Variants in MEF2D observed in about 807,000 individuals in gnomAD.
MEF2D encodes the protein myocyte-specific enhancer factor 2D.
Under a neutral mutation model 59.3 loss-of-function variants are expected in MEF2D, and 10 were observed. The observed-to-expected ratio is 0.17, with a 90% confidence interval of 0.10 to 0.29. The LOEUF is 0.29. Among genes scored for constraint, MEF2D ranks in the 10% least tolerant of loss-of-function variants. The probability of loss-of-function intolerance (pLI) is 1.00; values close to 1 mark genes in which losing one functional copy is unlikely to be tolerated. For synonymous variants in MEF2D, 305 were observed against 295.0 expected (o/e 1.03, Z -0.35); for missense variants, 508 against 699.4 (o/e 0.73, Z 3.09).
chr1:156,495,944 C>T (rs537435976), intron 1 of MEF2D, among the ~76,000 whole-genome samples: 2 of 152,110 alleles, frequency 1.3e-5, no homozygotes, highest in African/African-American at 4.8e-5. Context: ...TGGCCAGCGA[C>T]AGGCCAGAGC....
rs1324313193 is a variant in MEF2D at position 156,468,271 on chromosome 1, C to A, written c.1276G>T (p.Ala426Ser). ...GGGTGGGTGGTGACTGTGAGGGCAG[C>A]ACCCACGTGGGGCAGGGGGCTGCCC... ...IPGSPLPHVGAALTVTTHPHI... is the reference protein window; with the variant it reads ...IPGSPLPHVGSALTVTTHPHI... Residue 426 changes from alanine to serine, a missense_variant, in exon 11 of 12, where the codon GCT becomes TCT. Physicochemically the swap from Ala to Ser is moderately conservative, Grantham distance 99. This residue lies in a region of MEF2D where 481 missense variants were observed against 584.7 expected (regional missense o/e 0.82). Coordinates refer to ENST00000348159, the MANE Select transcript of MEF2D (RefSeq NM_005920.4). The surrounding 1 kb of genome is among the most constrained non-coding windows in gnomAD (Gnocchi z 4.3). 1.3e-6 allele frequency: 2 copies of A among 1,572,344 alleles called. No individual in the cohort carries two copies. The highest frequency in any genetic ancestry group is 2.3e-5 in the East Asian group (1 of 44,438).
intron 6 of MEF2D, among the ~76,000 whole-genome samples, chr1:156,478,100 T>A (rs910716548): frequency 3.9e-5 from 6 of 152,204 alleles, no homozygotes; most frequent in Non-Finnish European, 8.8e-5. Context: ...CTCTCCCACT[T>A]TCCACATGCT....
chr1:156,480,347 C>T (rs1032684046), intron 4 of MEF2D, among the ~76,000 whole-genome samples: 1 of 152,098 alleles, frequency 6.6e-6, no homozygotes, highest in Admixed American at 6.5e-5. Context: ...GCCTCTCCCC[C>T]CAAAAAAACA....
chr1:156,490,010 AGCCGGTGAT>A (rs950459517), intron 1 of MEF2D, among the ~76,000 whole-genome samples: 2 of 152,176 alleles, frequency 1.3e-5, no homozygotes, highest in Non-Finnish European at 2.9e-5. Context: ...AGGAAGGTGA[AGCCGGTGAT>A]GCCCCCAAAC....
chr1:156,498,923 G>C (rs1673307677), intron 1 of MEF2D, among the ~76,000 whole-genome samples: 1 of 152,168 alleles, frequency 6.6e-6, no homozygotes, highest in African/African-American at 2.4e-5. Flanking sequence ...TCATTCCCAG[G>C]CAGGGCCGTG....
chr1:156,485,057 C>T lies in MEF2D; in HGVS notation c.-138-1627G>A, dbSNP rs540817869. Among the ~76,000 whole-genome samples the T allele has an allele frequency of 5.3e-5, 8 of 152,220 alleles. No individual in the cohort carries two copies. In the South Asian group the frequency reaches 6.2e-4, roughly 12 times the overall value. ...GGAGGAGCCTGGACCAGAGAAGGCC[C>T]GCCCTCCCCTCCAGAGCTCCCCTTC... On this transcript the variant is annotated intron_variant, in intron 1 of 11. Coordinates refer to ENST00000348159, the MANE Select transcript of MEF2D (RefSeq NM_005920.4).
intron 1 of MEF2D, among the ~76,000 whole-genome samples, chr1:156,484,794 C>T (rs1039269195): frequency 1.3e-5 from 2 of 152,202 alleles, no homozygotes; most frequent in African/African-American, 4.8e-5. Context: ...AGGATGGCAG[C>T]ACAGCCTGGG....
At chr1:156,499,492 G>A (rs1272212785) in intron 1 of MEF2D, 2 of 152,142 alleles carry the variant, frequency 1.3e-5, no homozygotes, top group South Asian at 4.1e-4. Context: ...TCCTCGGAAG[G>A]CTGCTGAGAG....
intron 1 of MEF2D, among the ~76,000 whole-genome samples, chr1:156,489,462 G>A (rs1376164034): frequency 1.3e-5 from 2 of 152,134 alleles, no homozygotes; most frequent in East Asian, 3.9e-4. Flanking sequence ...AAGAGGCAGC[G>A]AGGCCAGAAG....
rs1275744385 is a variant in MEF2D at position 156,477,253 on chromosome 1, C to CA, written c.665-52dup. 8 of 1,497,520 alleles carry CA rather than the reference C, an allele frequency of 5.3e-6. No homozygotes were observed. In the South Asian group the frequency reaches 1.0e-4, roughly 19 times the overall value. The allele number at this position is 1,497,520 out of a possible 1,614,324, so 92.8% of individuals were successfully genotyped here. On this transcript the variant is annotated intron_variant, in intron 6 of 11. Transcript: ENST00000348159. ...AAAGGAAAAACATGGGCCTATCCTT[C>CA]AGCCCTATTAACTTCCCCACACCAA...
At chr1:156,498,597 T>C (rs1332116584) in intron 1 of MEF2D, among the ~76,000 whole-genome samples, 4 of 149,956 alleles carry the variant, frequency 2.7e-5, no homozygotes, top group African/African-American at 9.8e-5. Flanking sequence ...CTTCCTCCCT[T>C]CCCCCCTCCC....
At chr1:156,475,346 G>T in intron 8 of MEF2D, 109 bp from the exon 9 acceptor site, 2 of 1,371,758 alleles carry the variant, frequency 1.5e-6, no homozygotes, top group Non-Finnish European at 1.9e-6. Context: ...GCCAAGGCGG[G>T]GTGCCTTAGC....
At position 156,482,755 on chromosome 1, in the gene MEF2D, G is replaced by A. The variant is rs1672104531; in HGVS notation, c.55-115C>T. ...GCCCTCAGGAGCCCCCATTCTCAGT[G>A]TGACACAGCCCCTGGTCTCAGGAGT... On this transcript the variant is annotated intron_variant, in intron 2 of 11. Coordinates refer to ENST00000348159, the MANE Select transcript of MEF2D (RefSeq NM_005920.4). 4 of 944,634 alleles carry A rather than the reference G, an allele frequency of 4.2e-6. No homozygotes were observed. In the South Asian group the frequency reaches 5.9e-5, roughly 14 times the overall value. 58.5% of individuals were successfully genotyped at this position (944,634 alleles called of 1,614,324 possible). A position where few individuals can be genotyped will look rare whatever the true frequency, so the allele number is the denominator to read the frequency against.
At chr1:156,483,851 C>T (rs1672175006) in intron 1 of MEF2D, among the ~76,000 whole-genome samples, 1 of 152,198 alleles carries the variant, frequency 6.6e-6, no homozygotes, top group Non-Finnish European at 1.5e-5. Context: ...AGGACATCTG[C>T]CCAGTCAGTG....
In MEF2D at chr1:156,470,004, G is replaced by C. The variant is rs191613070; in HGVS notation, c.1007-984C>G. ...GCCCAAGGGGCAGAGGGGCTGCAAG[G>C]GTACCATGCCGGGAGCACAGCTGGC... is the stretch of plus-strand genomic sequence containing the variant. On this transcript the variant is annotated intron_variant, in intron 9 of 11. Transcript: ENST00000348159. 2.8e-3 allele frequency among the ~76,000 whole-genome samples: 413 copies of C among 149,096 alleles called. 2 individuals are homozygous for C. Among genetic ancestry groups the C allele is most frequent in the African/African-American group, 9.6e-3 (396 of 41,354 alleles).
At chr1:156,474,170 TAAAC>T (rs1671417898) in intron 9 of MEF2D, among the ~76,000 whole-genome samples, 1 of 152,136 alleles carries the variant, frequency 6.6e-6, no homozygotes, top group Non-Finnish European at 1.5e-5. Context: ...TTTTAAAAAA[TAAAC>T]AATGCTGGCC....
chr1:156,495,097 C>T (rs533921513), intron 1 of MEF2D, among the ~76,000 whole-genome samples: 12 of 152,324 alleles, frequency 7.9e-5, no homozygotes, highest in African/African-American at 2.9e-4. Flanking sequence ...TGCCCTCACA[C>T]CCTTGCTTTG....
chr1:156,480,402 C>A (rs1671918030), intron 4 of MEF2D, among the ~76,000 whole-genome samples: 1 of 151,958 alleles, frequency 6.6e-6, no homozygotes, highest in South Asian at 2.1e-4. Flanking sequence ...CTAAGGATCT[C>A]ATGTCATCTA....
intron 9 of MEF2D, among the ~76,000 whole-genome samples, chr1:156,471,430 G>T (rs926100677): frequency 1.2e-4 from 18 of 152,178 alleles, no homozygotes; most frequent in Non-Finnish European, 5.9e-5. Flanking sequence ...CGCCCGGCCA[G>T]AATCAACTAT....
Sources: gnomAD v4.1 joint callset for allele counts (sites outside exome capture counted in the v4.1 genomes callset) on GRCh38, gnomAD v4.1.1 for gene constraint, gnomAD v4.1.1 regional missense constraint, Gnocchi (gnomAD v3.1) non-coding constraint, MANE v1.5 for transcripts, NCBI Gene and HGNC (gene_info 2026-07-23, HGNC 2026-07-21) for gene names.